The following PCDHGA7 variants were observed in gnomAD, a reference collection of about 807,000 sequenced individuals.
PCDHGA7 encodes the protein protocadherin gamma subfamily A, 7.
Under a neutral mutation model 58.3 loss-of-function variants are expected in PCDHGA7, and 44 were observed. That is an observed-to-expected ratio of 0.75 (90% CI 0.59 to 0.97). PCDHGA7 has a LOEUF of 0.97. Among genes scored for constraint, PCDHGA7 ranks in the 50% least tolerant of loss-of-function variants. The probability of loss-of-function intolerance (pLI) is 0.00; values close to 1 mark genes in which losing one functional copy is unlikely to be tolerated. For missense variants in PCDHGA7, 1,266 were observed against 1,188.7 expected (o/e 1.06, Z -0.96); for synonymous variants, 516 against 504.2 (o/e 1.02, Z -0.31).
chr5:141,477,171 TCA>T lies in PCDHGA7; in HGVS notation c.2425-17633_2425-17632del, dbSNP rs772104411. On this transcript the variant is annotated intron_variant, in intron 1 of 3. Transcript: ENST00000518325. This position sits in a 1 kb window ranked among gnomAD's most constrained non-coding sequence, Gnocchi z 4.9. ...GATGTGAATGACAACGCCCCGGAGA[TCA>T]CAGTCACCTCCGTGTACAGCCCAGT... 6.2e-7 allele frequency: 1 copy of T among 1,614,072 alleles called. No individual in the cohort carries two copies. Among genetic ancestry groups the T allele is most frequent in the Non-Finnish European group, 8.5e-7 (1 of 1,179,988 alleles).
At chr5:141,395,234 T>C in intron 1 of PCDHGA7, 1 of 1,601,772 alleles carries the variant, frequency 6.2e-7, no homozygotes, top group Non-Finnish European at 8.5e-7. Flanking sequence ...CTGATCATGG[T>C]CAGGTGAGTT....
chr5:141,389,906 T>A, intron 1 of PCDHGA7: 1 of 1,614,086 alleles, frequency 6.2e-7, no homozygotes, highest in Non-Finnish European at 8.5e-7. Context: ...CGGATATCAC[T>A]GACCGCCCCG....
At chr5:141,393,374 T>A (rs11575958) in intron 1 of PCDHGA7, 1 of 1,613,626 alleles carries the variant, frequency 6.2e-7, no homozygotes, top group Admixed American at 1.7e-5. Context: ...CTGGAGACAA[T>A]GGAGCCATAA....
intron 1 of PCDHGA7, among the ~76,000 whole-genome samples, chr5:141,396,908 C>G (rs987572785): frequency 1.3e-5 from 2 of 152,146 alleles, no homozygotes; most frequent in Admixed American, 6.5e-5. Context: ...TGGCACTTTG[C>G]AATTTTAAAA....
intron 2 of PCDHGA7, among the ~76,000 whole-genome samples, chr5:141,504,741 T>C (rs968590796): frequency 2.6e-5 from 4 of 151,826 alleles, no homozygotes; most frequent in South Asian, 2.1e-4. Context: ...TAGGAAGCCA[T>C]TGAATTTTAG....
intron 1 of PCDHGA7, chr5:141,410,816 A>G (rs2095424614): frequency 1.8e-6 from 1 of 550,516 alleles, no homozygotes; most frequent in African/African-American, 2.1e-5. Flanking sequence ...TTTGTAAAAT[A>G]ATGTCACCAG....
At chr5:141,452,966 G>T (rs996204633) in intron 1 of PCDHGA7, among the ~76,000 whole-genome samples, 6 of 152,098 alleles carry the variant, frequency 3.9e-5, no homozygotes, top group Admixed American at 1.3e-4. Context: ...TAAACTGAGG[G>T]TATATTGTCA....
intron 1 of PCDHGA7, chr5:141,404,823 G>A (rs1283913930): frequency 6.2e-7 from 1 of 1,610,946 alleles, no homozygotes. Flanking sequence ...CTGCACACAG[G>A]TGAAGTGCGC....
intron 1 of PCDHGA7, among the ~76,000 whole-genome samples, chr5:141,452,284 C>G (rs1182155879): frequency 6.6e-6 from 1 of 152,112 alleles, no homozygotes; most frequent in Non-Finnish European, 1.5e-5. Context: ...TTCTTACTTT[C>G]TGATATAAGA....
intron 1 of PCDHGA7, chr5:141,415,035 C>T (rs368588973): frequency 8.9e-5 from 143 of 1,613,460 alleles, no homozygotes; most frequent in Non-Finnish European, 1.1e-4. Flanking sequence ...AGCCGGGACT[C>T]TTCGCGGTGG....
intron 1 of PCDHGA7, chr5:141,404,268 C>A (rs1334326806): frequency 1.2e-6 from 2 of 1,613,860 alleles, no homozygotes; most frequent in African/African-American, 2.7e-5. Context: ...ATTCACATCA[C>A]CCTGCAAGTG....
intron 1 of PCDHGA7, among the ~76,000 whole-genome samples, chr5:141,449,042 A>G (rs1211970675): frequency 6.6e-6 from 1 of 152,186 alleles, no homozygotes; most frequent in Non-Finnish European, 1.5e-5. Context: ...ATTATTAACC[A>G]GTCTCATAAA....
intron 1 of PCDHGA7, among the ~76,000 whole-genome samples, chr5:141,425,165 A>G (rs1391395593): frequency 6.6e-6 from 1 of 152,140 alleles, no homozygotes; most frequent in Non-Finnish European, 1.5e-5. Flanking sequence ...TAGGGATAGG[A>G]TTTATACTTG....
intron 3 of PCDHGA7, among the ~76,000 whole-genome samples, chr5:141,506,198 C>T (rs985517638): frequency 3.3e-5 from 5 of 152,156 alleles, no homozygotes; most frequent in Admixed American, 6.5e-5. Context: ...CGCCTGTAAT[C>T]CCAGCACTTT....
At chr5:141,395,036 G>A in intron 1 of PCDHGA7, 2 of 1,614,110 alleles carry the variant, frequency 1.2e-6, no homozygotes, top group Non-Finnish European at 8.5e-7. Context: ...CACATTTTGT[G>A]GGTGTTGAGG....
At chr5:141,414,244 T>A in intron 1 of PCDHGA7, 1 of 1,613,526 alleles carries the variant, frequency 6.2e-7, no homozygotes, top group Admixed American at 1.7e-5. Context: ...CACGTCTCTA[T>A]TTAGTCCAGT....
chr5:141,393,664 T>A, intron 1 of PCDHGA7: 1 of 1,613,772 alleles, frequency 6.2e-7, no homozygotes. Context: ...TTCCGGAAAA[T>A]TAATGAAAAA....
At chr5:141,414,888 C>T (rs1452402953) in intron 1 of PCDHGA7, 2 of 1,614,210 alleles carry the variant, frequency 1.2e-6, no homozygotes, top group Non-Finnish European at 1.7e-6. Flanking sequence ...ACCCCGCCCT[C>T]CCCACAGACG....
intron 1 of PCDHGA7, chr5:141,389,997 A>G (rs1278035747): frequency 3.1e-6 from 5 of 1,613,844 alleles, no homozygotes; most frequent in South Asian, 2.2e-5. Flanking sequence ...CCTCGTGGCC[A>G]TGATTCTGGC....
Sources: gnomAD v4.1 joint callset for allele counts (sites outside exome capture counted in the v4.1 genomes callset) on GRCh38, gnomAD v4.1.1 for gene constraint, Gnocchi (gnomAD v3.1) non-coding constraint, MANE v1.5 for transcripts, NCBI Gene and HGNC (gene_info 2026-07-23, HGNC 2026-07-21) for gene names.